The following MAP4 variants were observed in gnomAD, a reference collection of about 807,000 sequenced individuals.
MAP4 encodes the protein microtubule associated protein 4, also known as microtubule-associated protein 4.
MAP4 carries 76 observed loss-of-function variants against 170.2 expected under a neutral mutation model. That is an observed-to-expected ratio of 0.45 (90% confidence interval 0.37 to 0.54). MAP4 has a LOEUF of 0.54. MAP4 is among the 20% of genes least tolerant of loss of function. The pLI is 0.00. For missense variants in MAP4, 2,506 were observed against 2,748.0 expected (o/e 0.91, Z 1.97); for synonymous variants, 909 against 994.5 (o/e 0.91, Z 1.62).
Position 47,998,664 on chromosome 3 carries a change from G to C in MAP4, c.197C>G (p.Pro66Arg), listed in dbSNP as rs771379223. ...KTGNSESKKK[P>R]CSETSQIEDT... ...TTCAATCTGGCTAGTTTCTGAGCACGGTTTCTTCTTTGACTCTGAGTTCCC... is the reference window on the plus strand; with the variant it reads ...TTCAATCTGGCTAGTTTCTGAGCACCGTTTCTTCTTTGACTCTGAGTTCCC... The change falls in exon 2 of 21, where the codon CCG (proline) becomes CGG (arginine). Residue 66 changes from proline to arginine, a missense_variant. Pro to Arg is a moderately radical substitution (Grantham distance 103). Around this residue, in one of 3 missense-constraint regions of MAP4, gnomAD observed 2,008 missense variants for 2,206.0 expected, o/e 0.91. Transcript: ENST00000683076. 6.2e-7 allele frequency: 1 copy of C among 1,613,904 alleles called. No homozygotes were observed. Among genetic ancestry groups the C allele is most frequent in the Non-Finnish European group, 8.5e-7 (1 of 1,179,954 alleles).
At chr3:48,071,492 T>A (rs904778943) in intron 1 of MAP4, among the ~76,000 whole-genome samples, 9 of 151,804 alleles carry the variant, frequency 5.9e-5, no homozygotes, top group African/African-American at 2.2e-4. Context: ...AAGGCTGCAA[T>A]GAGCCATGAT....
chr3:48,054,120 G>A (rs1218755762), intron 1 of MAP4, among the ~76,000 whole-genome samples: 7 of 151,724 alleles, frequency 4.6e-5, no homozygotes, highest in African/African-American at 1.7e-4. Flanking sequence ...TGGCCAACAT[G>A]GTGAAACCCC....
chr3:47,986,230 AT>A (rs1324876796), intron 2 of MAP4, among the ~76,000 whole-genome samples: 3 of 151,916 alleles, frequency 2.0e-5, no homozygotes, highest in Admixed American at 6.6e-5. Flanking sequence ...CCTCCTTCCT[AT>A]TAAGTAGCTC....
At position 47,909,547 on chromosome 3, in the gene MAP4, A is replaced by G. The variant is rs1346288605; in HGVS notation, c.4874T>C (p.Leu1625Ser). The change falls in exon 9 of 21, where the codon TTA becomes TCA. Residue 1625 changes from leucine (L) to serine (S), a missense_variant. This residue lies in a region of MAP4 where 2,008 missense variants were observed against 2,206.0 expected (regional missense o/e 0.91). Coordinates refer to ENST00000683076, the MANE Select transcript of MAP4 (RefSeq NM_001385682.1). ...GAGCTTTTGTGCTTTGTCTTCCAGT[A>G]AGTCAGGAATCTGAACTGCAACAGA... The part of the protein sequence containing the change: ...EGSVAVQIPD[L>S]LEDKAQKLSF... 3.1e-6 allele frequency: 5 copies of G among 1,612,530 alleles called. No homozygotes were observed. Among genetic ancestry groups the G allele is most frequent in the Non-Finnish European group, 3.4e-6 (4 of 1,179,890 alleles).
intron 7 of MAP4, among the ~76,000 whole-genome samples, chr3:47,915,687 TAGA>T (rs1283047251): frequency 4.6e-5 from 7 of 152,110 alleles, no homozygotes; most frequent in African/African-American, 1.4e-4. Context: ...GATAATGGAA[TAGA>T]AGTTTGTCGA....
chr3:48,019,405 T>C (rs561109105), upstream of MAP4, among the ~76,000 whole-genome samples: 2 of 152,256 alleles, frequency 1.3e-5, no homozygotes, highest in African/African-American at 4.8e-5. Flanking sequence ...TATGATCATA[T>C]AAATATTAAA....
At chr3:48,011,668 A>G (rs2154433755) in intron 1 of MAP4, among the ~76,000 whole-genome samples, 1 of 152,278 alleles carries the variant, frequency 6.6e-6, no homozygotes, top group East Asian at 1.9e-4. Context: ...TTACATATAA[A>G]GTATTATTGT....
chr3:47,910,102 C>G lies in MAP4; in HGVS notation c.4319G>C (p.Cys1440Ser), dbSNP rs770918359. 1 of 1,613,976 alleles carries G rather than the reference C, an allele frequency of 6.2e-7. No homozygotes were observed. The highest frequency in any genetic ancestry group is 2.2e-5 in the East Asian group (1 of 44,880). ...SPLEVLESAA[C>S]EKLPTPTPQV... ...AGGAGTAGGAGTGGGCAGTTTTTCA[C>G]AGGCTGCTGATTCCAGAACCTCTAG... The change falls in exon 9 of 21, where the codon TGT (cysteine) becomes TCT (serine). Residue 1440 changes from cysteine to serine, a missense_variant. This residue lies in a region of MAP4 where 2,008 missense variants were observed against 2,206.0 expected (regional missense o/e 0.91). Coordinates refer to ENST00000683076, the MANE Select transcript of MAP4 (RefSeq NM_001385682.1).
chr3:47,875,901 C>T lies in MAP4; in HGVS notation c.5542-1G>A, dbSNP rs766168200. The T allele has an allele frequency of 3.8e-6, 6 of 1,590,010 alleles. No individual in the cohort carries two copies. In the East Asian group the frequency reaches 1.1e-4, roughly 30 times the overall value. On this transcript the variant is annotated splice_acceptor_variant, in intron 11 of 20. Coordinates refer to ENST00000683076, the MANE Select transcript of MAP4 (RefSeq NM_001385682.1). LOFTEE classifies it high-confidence loss of function. ...TTGCAGGTTGAGTGGTGGCCAAAGG[C>T]TTTAGGTTGATTGTTGTTTATTTTT...
intron 18 of MAP4, 72 bp downstream of exon 18, chr3:47,857,359 C>G (rs534782479): frequency 7.9e-7 from 1 of 1,262,966 alleles, no homozygotes; most frequent in South Asian, 1.2e-5. Context: ...TGCCAGCCAG[C>G]TGGCTGCCCA....
At position 47,921,804 on chromosome 3, in the gene MAP4, T is replaced by C. The variant is rs776422902; in HGVS notation, c.490A>G (p.Ile164Val). Residue 164 changes from isoleucine (I) to valine (V), a missense_variant, in exon 5 of 21, where the codon ATA (isoleucine) becomes GTA (valine). Ile to Val is a conservative substitution (Grantham distance 29). Around this residue, in one of 3 missense-constraint regions of MAP4, gnomAD observed 2,008 missense variants for 2,206.0 expected, o/e 0.91. Transcript: ENST00000683076. The stretch of plus-strand genomic sequence containing the variant: ...AAGGGATCATTTTGTCCTGCAAATA[T>C]TGAAGTATCAGCTGTCGCACTGGAG... ...FPSSATADTS[I>V]FAGQNDPLKD... is the part of the protein sequence containing the mutation. 1.9e-5 allele frequency: 31 copies of C among 1,611,652 alleles called. No individual in the cohort carries two copies. The highest frequency in any genetic ancestry group is 4.5e-5 in the East Asian group (2 of 44,876).
intron 1 of MAP4, among the ~76,000 whole-genome samples, chr3:48,061,991 G>A (rs2100135826): frequency 6.6e-6 from 1 of 152,202 alleles, no homozygotes; most frequent in African/African-American, 2.4e-5. Flanking sequence ...CACCCCGTCT[G>A]GGAGGTGTAC....
intron 17 of MAP4, among the ~76,000 whole-genome samples, chr3:47,863,485 C>T (rs1442668532): frequency 6.6e-6 from 1 of 151,980 alleles, no homozygotes; most frequent in African/African-American, 2.4e-5. Context: ...GCCCAAGTGT[C>T]CCCTCCTCGG....
intron 2 of MAP4, among the ~76,000 whole-genome samples, chr3:47,985,326 T>C (rs375699746): frequency 1.2e-4 from 19 of 152,038 alleles, no homozygotes; most frequent in East Asian, 9.7e-4. Context: ...CAGTCCCAGC[T>C]ACTTGGGAGG....
intron 1 of MAP4, among the ~76,000 whole-genome samples, chr3:48,068,728 G>A (rs1248081574): frequency 6.6e-6 from 1 of 152,162 alleles, no homozygotes; most frequent in African/African-American, 2.4e-5. Flanking sequence ...AGGTTGCAGT[G>A]AGCCAAGATC....
chr3:47,865,468 C>T (rs1402555890), intron 17 of MAP4, among the ~76,000 whole-genome samples: 2 of 152,054 alleles, frequency 1.3e-5, no homozygotes, highest in African/African-American at 4.8e-5. Context: ...TCTACCCAGG[C>T]CAGGAAGAGG....
rs376827214 is a variant in MAP4 at position 47,871,227 on chromosome 3, C to G, written c.6001G>C (p.Ala2001Pro). The G allele has an allele frequency of 6.2e-7, 1 of 1,614,218 alleles. No homozygotes were observed. The stretch of plus-strand genomic sequence containing the variant: ...TACAAAATGGCGGATGGGCTATTAC[C>G]TGGTACAGACTTTGCAGTCATCTTC... ...VKKMTAKSVP[A>P]DLSRPKSTST... The change falls in exon 14 of 21, where the codon GCT (alanine) becomes CCT (proline). Residue 2001 changes from alanine (A) to proline (P), a missense_variant and splice_region_variant. This residue lies in a region of MAP4 where 487 missense variants were observed against 511.6 expected (regional missense o/e 0.95). Transcript: ENST00000683076.
At position 47,853,222 on chromosome 3, in the gene MAP4, A is replaced by AGGGTG; in HGVS notation, c.6822_6826dup (p.Leu2276ProfsTer71). The AGGGTG allele has an allele frequency of 6.3e-7, 1 of 1,579,888 alleles. No homozygotes were observed. On this transcript the variant is annotated frameshift_variant, in exon 20 of 21. Coordinates refer to ENST00000683076, the MANE Select transcript of MAP4 (RefSeq NM_001385682.1). LOFTEE classifies it high-confidence loss of function. ...CTCCCTTTGGTCACCACCCCCTGAC[A>AGGGTG]GGGTGGGGTGGCCATTGAGGCCACT... is the stretch of plus-strand genomic sequence containing the variant.
intron 2 of MAP4, among the ~76,000 whole-genome samples, chr3:47,988,342 G>A (rs2100090174): frequency 6.6e-6 from 1 of 152,076 alleles, no homozygotes; most frequent in African/African-American, 2.4e-5. Context: ...TGATGCAGGA[G>A]ACAGAAGAGG....
Sources: allele counts gnomAD v4.1 joint callset (sites outside exome capture counted in the v4.1 genomes callset), GRCh38; gene constraint gnomAD v4.1.1; regional missense constraint gnomAD v4.1.1; transcripts MANE v1.5; gene names NCBI Gene and HGNC (gene_info 2026-07-23, HGNC 2026-07-21).